KALRN: variants seen among roughly 807,000 people sequenced by gnomAD.
The protein encoded by KALRN is kalirin RhoGEF kinase, also known as kalirin.
In KALRN, 70 loss-of-function variants were observed where a neutral mutation model predicts 353.7. That is an observed-to-expected ratio of 0.20 (90% CI 0.16 to 0.24). The LOEUF is 0.24. KALRN is among the 10% of genes least tolerant of loss of function. KALRN has a pLI of 1.00. For missense variants in KALRN, 2,791 were observed against 3,756.7 expected (o/e 0.74, Z 6.72); for synonymous variants, 1,391 against 1,434.8 (o/e 0.97, Z 0.69).
intron 1 of KALRN, among the ~76,000 whole-genome samples, chr3:124,095,290 AAC>A (rs1376098066): frequency 6.6e-6 from 1 of 152,182 alleles, no homozygotes; most frequent in African/African-American, 2.4e-5. Flanking sequence ...GCTGGGGGCA[AAC>A]AGACTCAGGC....
At chr3:124,341,038 A>G (rs1462623434) in intron 9 of KALRN, among the ~76,000 whole-genome samples, 6 of 152,254 alleles carry the variant, frequency 3.9e-5, no homozygotes, top group Non-Finnish European at 7.3e-5. Flanking sequence ...GCTGAAAGGC[A>G]TTGCATCTTG....
At chr3:124,277,263 C>A (rs1408864903) in intron 5 of KALRN, among the ~76,000 whole-genome samples, 1 of 152,158 alleles carries the variant, frequency 6.6e-6, no homozygotes, top group Non-Finnish European at 1.5e-5. Flanking sequence ...AAGGGCAAGG[C>A]CTTTACGGGG....
intron 15 of KALRN, among the ~76,000 whole-genome samples, chr3:124,425,553 A>C (rs1156903125): frequency 6.6e-6 from 1 of 152,202 alleles, no homozygotes; most frequent in African/African-American, 2.4e-5. Flanking sequence ...CAGGTCATCA[A>C]AGTCCTCTGC....
chr3:124,463,261 A>G (rs1001925527), intron 25 of KALRN, among the ~76,000 whole-genome samples: 1 of 152,268 alleles, frequency 6.6e-6, no homozygotes, highest in Non-Finnish European at 1.5e-5. Flanking sequence ...TAACCAACCA[A>G]TAGAAATAAC....
At chr3:124,425,566 C>A (rs2092976514) in intron 15 of KALRN, among the ~76,000 whole-genome samples, 1 of 152,182 alleles carries the variant, frequency 6.6e-6, no homozygotes, top group South Asian at 2.1e-4. Context: ...TCCTCTGCTG[C>A]ACCTACTTGG....
chr3:124,100,397 A>G (rs1296906451), intron 1 of KALRN: 1 of 152,206 alleles, frequency 6.6e-6, no homozygotes, highest in African/African-American at 2.4e-5. Flanking sequence ...AAGGGTGCCA[A>G]GAACATATAT....
intron 1 of KALRN, among the ~76,000 whole-genome samples, chr3:124,053,852 A>AT (rs1458574786): frequency 2.6e-5 from 4 of 152,226 alleles, no homozygotes; most frequent in Non-Finnish European, 5.9e-5. Context: ...TGTTCCCTTT[A>AT]AGATCCATTT....
At chr3:124,213,493 T>A (rs2077063131) in intron 1 of KALRN, among the ~76,000 whole-genome samples, 1 of 152,150 alleles carries the variant, frequency 6.6e-6, no homozygotes, top group Non-Finnish European at 1.5e-5. Context: ...CCCAACCCAT[T>A]ATTTATCTTT....
rs887627137 is a variant in KALRN, at chr3:124,519,295, C to A, written c.4935+22882C>A. The A allele has an allele frequency of 1.9e-5, 19 of 974,696 alleles. No individual in the cohort carries two copies. In the South Asian group the frequency reaches 3.3e-4, roughly 17 times the overall value. 60.4% of individuals were successfully genotyped at this position (974,696 alleles called of 1,614,324 possible). A position where few individuals can be genotyped will look rare whatever the true frequency, so the allele number is the denominator to read the frequency against. ...GACATTCATTATACCATTCTCCCCA[C>A]TTCTGTATTTGTTTGCAATTTTTCA... On this transcript the variant is annotated intron_variant, in intron 33 of 59. Transcript: ENST00000682506.
At chr3:124,530,857 C>G (rs1351757849) in intron 33 of KALRN, among the ~76,000 whole-genome samples, 1 of 152,110 alleles carries the variant, frequency 6.6e-6, no homozygotes, top group Non-Finnish European at 1.5e-5. Context: ...AATACTCATC[C>G]CTAAGACAAT....
intron 15 of KALRN, among the ~76,000 whole-genome samples, chr3:124,424,154 CG>C (rs372079474): frequency 6.6e-6 from 1 of 152,048 alleles, no homozygotes; most frequent in African/African-American, 2.4e-5. Flanking sequence ...CCACAGGTCC[CG>C]GGGGGGTTCC....
intron 17 of KALRN, among the ~76,000 whole-genome samples, chr3:124,438,116 C>T (rs2093542167): frequency 6.6e-6 from 1 of 152,104 alleles, no homozygotes; most frequent in Admixed American, 6.5e-5. Flanking sequence ...TTTCTGCATC[C>T]TCCTCCAGGC....
chr3:124,480,425 A>C (rs183774701), intron 27 of KALRN, among the ~76,000 whole-genome samples: 1 of 152,308 alleles, frequency 6.6e-6, no homozygotes, highest in African/African-American at 2.4e-5. Flanking sequence ...AGTCCTATCT[A>C]GTCCATCTTT....
chr3:124,512,485 A>C (rs2066032283), intron 33 of KALRN, among the ~76,000 whole-genome samples: 1 of 152,092 alleles, frequency 6.6e-6, no homozygotes, highest in Admixed American at 6.6e-5. Context: ...CCCTGCCACT[A>C]CTGAAAATAC....
chr3:124,122,698 G>T (rs1317096720), intron 1 of KALRN, among the ~76,000 whole-genome samples: 1 of 152,102 alleles, frequency 6.6e-6, no homozygotes, highest in Non-Finnish European at 1.5e-5. Context: ...ATAATTGTGT[G>T]TGTTCTAACT....
Position 124,563,065 on chromosome 3 carries a change from G to T in KALRN, c.5158G>T (p.Asp1720Tyr), listed in dbSNP as rs771385123. The change falls in exon 34 of 60, where the codon GAC becomes TAC. Residue 1720 changes from aspartate to tyrosine, a missense_variant. Coordinates refer to ENST00000682506, the MANE Select transcript of KALRN (RefSeq NM_001388419.1). ...ISHSRSSVEM[D>Y]CFFPLVKDAY... ...ACACTCCCGAAGCAGCGTGGAGATG[G>T]ACTGCTTCTTCCCCTTGGTGAAAGG... The T allele has an allele frequency of 1.5e-6, 2 of 1,367,778 alleles. No homozygotes were observed. The highest frequency in any genetic ancestry group is 2.0e-6 in the Non-Finnish European group (2 of 1,021,996). The allele number at this position is 1,367,778 out of a possible 1,614,324, so 84.7% of individuals were successfully genotyped here.
chr3:124,308,886 A>C (rs1389996888), intron 6 of KALRN, among the ~76,000 whole-genome samples: 2 of 152,056 alleles, frequency 1.3e-5, no homozygotes, highest in East Asian at 3.9e-4. Flanking sequence ...TGGTTTATTG[A>C]AAAGGTCAAC....
intron 1 of KALRN, among the ~76,000 whole-genome samples, chr3:124,181,340 T>C (rs908797693): frequency 2.6e-5 from 4 of 151,976 alleles, no homozygotes; most frequent in African/African-American, 9.7e-5. Context: ...GAAAAAAACA[T>C]AAAGGAGAGA....
At chr3:124,287,227 C>A (rs1324843504) in intron 5 of KALRN, among the ~76,000 whole-genome samples, 1 of 152,112 alleles carries the variant, frequency 6.6e-6, no homozygotes, top group Admixed American at 6.6e-5. Context: ...TCTAAAATTT[C>A]TTTTTAGCTC....
Sources: gnomAD v4.1 joint callset for allele counts (sites outside exome capture counted in the v4.1 genomes callset) on GRCh38, gnomAD v4.1.1 for gene constraint, MANE v1.5 for transcripts, NCBI Gene and HGNC (gene_info 2026-07-23, HGNC 2026-07-21) for gene names.